The following MCC variants were observed in gnomAD, a reference collection of about 807,000 sequenced individuals.
The protein encoded by MCC is MCC regulator of Wnt signaling pathway.
In MCC, 90 loss-of-function variants were observed where a neutral mutation model predicts 116.2. The observed-to-expected ratio is 0.77, with a 90% CI of 0.65 to 0.92. The LOEUF (loss-of-function observed/expected upper bound fraction) is 0.92. Ranked by LOEUF, MCC falls within the 40% of genes least tolerant of loss-of-function variation. MCC has a pLI of 0.00. For synonymous variants in MCC, 578 were observed against 510.5 expected, an observed-to-expected ratio of 1.13 and a Z score of -1.78; for missense variants, 1,516 against 1,312.2, an observed-to-expected ratio of 1.16 and a Z score of -2.40.
chr5:113,213,669 C>T (rs1763210698), intron 3 of MCC, among the ~76,000 whole-genome samples: 1 of 152,138 alleles, frequency 6.6e-6, no homozygotes, highest in East Asian at 1.9e-4. Context: ...CTTTTCAGTA[C>T]TGAGAGTGGT....
At chr5:113,268,367 C>T (rs962379658) in intron 3 of MCC, among the ~76,000 whole-genome samples, 1 of 152,212 alleles carries the variant, frequency 6.6e-6, no homozygotes, top group African/African-American at 2.4e-5. Context: ...CACCACCACT[C>T]CTAGAAATCC....
Position 113,309,712 on chromosome 5 carries a change from T to C in MCC, c.627+30807A>G, listed in dbSNP as rs545028101. ...CATATGAATGCAGGTGTCTTATTTA[T>C]ATAATGACTTCTTTTTCTTTGAGTA... On this transcript the variant is annotated intron_variant, in intron 3 of 18. Transcript: ENST00000408903. 5.3e-5 allele frequency among the ~76,000 whole-genome samples: 8 copies of C among 152,346 alleles called. No homozygotes were observed. The South Asian group carries it at 8.3e-4, about 16-fold the overall frequency.
rs545368586 is a variant in MCC, at chr5:113,413,503, G to T, written c.171-28291C>A. On this transcript the variant is annotated intron_variant, in intron 1 of 18. Coordinates refer to ENST00000408903, the MANE Select transcript of MCC (RefSeq NM_001085377.2). ...CTTCTTCCTGGTTTAGTCTTGGGAA[G>T]GTGTATGTGTCCAGGAATTTATCTA... Among the ~76,000 whole-genome samples, 87 of 152,238 alleles carry T rather than the reference G, an allele frequency of 5.7e-4. 1 individual carries two copies. In the Middle Eastern group the frequency reaches 0.014, roughly 24 times the overall value.
rs201263121 is a variant in MCC at position 113,215,469 on chromosome 5, T to TTAAG, written c.628-64051_628-64048dup. On this transcript the variant is annotated intron_variant, in intron 3 of 18. Coordinates refer to ENST00000408903, the MANE Select transcript of MCC (RefSeq NM_001085377.2). Reference sequence around the variant, plus strand: ...AACTCAGTGGCCAATGTGATAGTGGTTAAGGGTGGGGGTTGGTCTTTGGGA... The same window carrying TTAAG: ...AACTCAGTGGCCAATGTGATAGTGGTTAAGTAAGGGTGGGGGTTGGTCTTTGGGA... 9.1e-4 allele frequency among the ~76,000 whole-genome samples: 138 copies of TTAAG among 152,180 alleles called. 1 individual carries two copies. In the East Asian group the frequency reaches 0.025, roughly 27 times the overall value.
At chr5:113,176,874 G>C (rs1328064602) in intron 3 of MCC, among the ~76,000 whole-genome samples, 1 of 151,870 alleles carries the variant, frequency 6.6e-6, no homozygotes, top group Admixed American at 6.6e-5. Context: ...TCTAGCTCAG[G>C]GTCCACTGCT....
chr5:113,404,474 C>T (rs1384991276), intron 1 of MCC, among the ~76,000 whole-genome samples: 1 of 152,110 alleles, frequency 6.6e-6, no homozygotes, highest in African/African-American at 2.4e-5. Flanking sequence ...GTGACAAAGG[C>T]CAGATCTAGG....
At chr5:113,137,413 G>T (rs1758905406) in intron 5 of MCC, among the ~76,000 whole-genome samples, 2 of 152,138 alleles carry the variant, frequency 1.3e-5, no homozygotes, top group South Asian at 4.2e-4. Flanking sequence ...ATCATAAAGG[G>T]ATGGTTATCA....
At chr5:113,050,340 C>T (rs1308527746) in intron 15 of MCC, among the ~76,000 whole-genome samples, 7 of 152,128 alleles carry the variant, frequency 4.6e-5, no homozygotes, top group Non-Finnish European at 8.8e-5. Flanking sequence ...CCAGCCTTCC[C>T]AGCCCACCGT....
At chr5:113,458,870 A>G (rs905166892) in intron 1 of MCC, among the ~76,000 whole-genome samples, 2 of 152,202 alleles carry the variant, frequency 1.3e-5, no homozygotes, top group Non-Finnish European at 2.9e-5. Context: ...GGGGCCTCCA[A>G]TTGACCAGAG....
chr5:113,473,070 G>A (rs946036929), intron 1 of MCC, among the ~76,000 whole-genome samples: 4 of 152,156 alleles, frequency 2.6e-5, no homozygotes, highest in Non-Finnish European at 2.9e-5. Context: ...ATACAAGTTA[G>A]TATTGGGTAA....
chr5:113,141,367 T>C (rs1759171185), intron 5 of MCC, among the ~76,000 whole-genome samples: 1 of 152,228 alleles, frequency 6.6e-6, no homozygotes, highest in Non-Finnish European at 1.5e-5. Flanking sequence ...AGTCAGCCTG[T>C]TGTGAAACTT....
intron 6 of MCC, among the ~76,000 whole-genome samples, chr5:113,115,082 G>A (rs903760322): frequency 6.6e-6 from 1 of 152,136 alleles, no homozygotes; most frequent in Non-Finnish European, 1.5e-5. Context: ...CTGGGGCTTT[G>A]GGGGTCACAG....
chr5:113,475,770 C>T (rs773143947), intron 1 of MCC, among the ~76,000 whole-genome samples: 1 of 152,000 alleles, frequency 6.6e-6, no homozygotes, highest in Non-Finnish European at 1.5e-5. Flanking sequence ...GAAAAATCAC[C>T]CTCACCATAG....
At chr5:113,433,788 A>G (rs1770746314) in intron 1 of MCC, 6 of 1,613,794 alleles carry the variant, frequency 3.7e-6, no homozygotes, top group Non-Finnish European at 5.1e-6. Flanking sequence ...CTCTGTCTCC[A>G]TAGTCGACGG....
At chr5:113,168,074 C>T (rs1554061533) in intron 3 of MCC, among the ~76,000 whole-genome samples, 3 of 152,152 alleles carry the variant, frequency 2.0e-5, no homozygotes, top group South Asian at 4.1e-4. Context: ...AAAGTGCAAA[C>T]ATGGCAAATC....
intron 11 of MCC, among the ~76,000 whole-genome samples, chr5:113,078,289 T>C (rs948180656): frequency 6.6e-6 from 1 of 152,244 alleles, no homozygotes; most frequent in South Asian, 2.1e-4. Flanking sequence ...GAGGGAATCC[T>C]CCCTCATTCA....
rs1458880565 is a variant in MCC at position 113,284,237 on chromosome 5, C to T, written c.627+56282G>A. Among the ~76,000 whole-genome samples, 10 of 152,312 alleles carry T rather than the reference C, an allele frequency of 6.6e-5. 1 individual carries two copies. The highest frequency in any genetic ancestry group is 6.5e-4 in the Admixed American group (10 of 15,304). On this transcript the variant is annotated intron_variant, in intron 3 of 18. Coordinates refer to ENST00000408903, the MANE Select transcript of MCC (RefSeq NM_001085377.2). ...TCTTGGCATGTGCCTCTAGTCCCAG[C>T]TACTTGGGAGGCTGAGGTGGGACGA... is the stretch of plus-strand genomic sequence containing the variant.
chr5:113,275,360 A>G lies in MCC; in HGVS notation c.627+65159T>C, dbSNP rs188766029. 4.9e-3 allele frequency among the ~76,000 whole-genome samples: 753 copies of G among 152,358 alleles called. 6 individuals are homozygous for G. Among genetic ancestry groups the G allele is most frequent in the African/African-American group, 0.017 (717 of 41,580 alleles). ...TAACAGTACACTTGTAGTTAGCAAC[A>G]CAGTTCAATTTAGGAACTTCTCAGT... On this transcript the variant is annotated intron_variant, in intron 3 of 18. Coordinates refer to ENST00000408903, the MANE Select transcript of MCC (RefSeq NM_001085377.2).
At chr5:113,085,129 G>T (rs1288491384) in intron 9 of MCC, 35 bp downstream of exon 9, 1 of 1,613,466 alleles carries the variant, frequency 6.2e-7, no homozygotes, top group African/African-American at 1.3e-5. Context: ...AACAGGAGGT[G>T]TTCCCGCTCA....
Sources: allele counts gnomAD v4.1 joint callset (sites outside exome capture counted in the v4.1 genomes callset), GRCh38; gene constraint gnomAD v4.1.1; transcripts MANE v1.5; gene names NCBI Gene and HGNC (gene_info 2026-07-23, HGNC 2026-07-21).